Variants in RNF17 observed in about 807,000 individuals in gnomAD.
RNF17 encodes ring finger protein 17.
In RNF17, 31 loss-of-function variants were observed where a neutral mutation model predicts 200.5. The observed-to-expected ratio is 0.15, with a 90% confidence interval of 0.12 to 0.21. The LOEUF is 0.21. RNF17 is among the 10% of genes least tolerant of loss of function. The pLI is 1.00. For synonymous variants in RNF17, 606 were observed against 637.8 expected (o/e 0.95, Z 0.75); for missense variants, 1,628 against 1,905.1 (o/e 0.85, Z 2.71).
rs142685420 is a variant in RNF17 at position 24,812,981 on chromosome 13, C to T, written c.2091+8552C>T. Among the ~76,000 whole-genome samples the T allele has an allele frequency of 5.3e-3, 809 of 152,090 alleles. 22 individuals carry two copies. The East Asian group carries it at 0.081, about 15-fold the overall frequency. ...ACAGGCGTGAGCCACCGCGCCCGGCCAATAGCATTCTTAATAAGTGTGAAA... is the reference window on the plus strand; with the variant it reads ...ACAGGCGTGAGCCACCGCGCCCGGCTAATAGCATTCTTAATAAGTGTGAAA... On this transcript the variant is annotated intron_variant, in intron 15 of 35. Coordinates refer to ENST00000255324, the MANE Select transcript of RNF17 (RefSeq NM_031277.3).
rs1488105397 is a variant in RNF17, at chr13:24,866,179, G to A, written c.4137G>A (p.Glu1379=). The A allele has an allele frequency of 1.9e-6, 3 of 1,557,634 alleles. No individual in the cohort carries two copies. The highest frequency in any genetic ancestry group is 3.4e-5 in the Admixed American group (2 of 58,546). The change falls in exon 30 of 36, where the codon GAG becomes GAA. Residue 1379 remains glutamate, a synonymous_variant. Coordinates refer to ENST00000255324, the MANE Select transcript of RNF17 (RefSeq NM_031277.3). ...CAGATCATGATAAAAAGTATGAAGA[G>A]GAACAATGGGAAATAAGGTTTGAGG... ...PRSDHDKKYE[E]EQWEIRFEEL...
intron 15 of RNF17, among the ~76,000 whole-genome samples, chr13:24,809,844 T>G (rs1350908434): frequency 1.3e-5 from 2 of 152,138 alleles, no homozygotes; most frequent in African/African-American, 4.8e-5. Flanking sequence ...TGTTGTGTCT[T>G]TGTTCTCGTT....
chr13:24,842,235 GCATAT>G, intron 19 of RNF17, 74 bp downstream of exon 19: 2 of 1,319,146 alleles, frequency 1.5e-6, no homozygotes, highest in South Asian at 2.8e-5. Flanking sequence ...AGGGAAACTG[GCATAT>G]CATTCCCCAT....
chr13:24,807,568 G>A (rs368189078), intron 15 of RNF17, among the ~76,000 whole-genome samples: 4 of 152,136 alleles, frequency 2.6e-5, no homozygotes, highest in East Asian at 1.9e-4. Flanking sequence ...TGAGTAGGTT[G>A]CGAAAATTTT....
chr13:24,800,585 C>G, intron 13 of RNF17, 51 bp downstream of exon 13: 1 of 1,506,978 alleles, frequency 6.6e-7, no homozygotes. Context: ...ACAATTTTAG[C>G]TATGTATTGC....
chr13:24,861,079 G>A (rs988311730), intron 26 of RNF17, among the ~76,000 whole-genome samples, 189 bp from the exon 27 acceptor site: 3 of 151,920 alleles, frequency 2.0e-5, no homozygotes, highest in African/African-American at 4.8e-5. Flanking sequence ...GGGTCTTGCC[G>A]TGTTCCCAAG....
intron 30 of RNF17, among the ~76,000 whole-genome samples, chr13:24,867,093 GTTAT>G (rs1395382303): frequency 2.6e-5 from 4 of 152,114 alleles, no homozygotes; most frequent in Admixed American, 1.3e-4. Flanking sequence ...ATCTATTTGA[GTTAT>G]TTATCTTTTT....
chr13:24,859,560 C>A (rs2138299148), intron 26 of RNF17, among the ~76,000 whole-genome samples: 1 of 151,986 alleles, frequency 6.6e-6, no homozygotes, highest in African/African-American at 2.4e-5. Context: ...AGGTAACTAA[C>A]ACTCAGGTTT....
chr13:24,761,923 AC>A (rs1162240625), upstream of RNF17, among the ~76,000 whole-genome samples: 7 of 152,188 alleles, frequency 4.6e-5, no homozygotes, highest in African/African-American at 1.7e-4. Flanking sequence ...CCCACGATGA[AC>A]ACCTATGCAA....
chr13:24,805,863 G>GT (rs1245602439), intron 15 of RNF17, among the ~76,000 whole-genome samples: 81 of 148,450 alleles, frequency 5.5e-4, no homozygotes, highest in South Asian at 1.1e-3. Flanking sequence ...TGAACACTTG[G>GT]TTTTTTTTTT....
intron 25 of RNF17, among the ~76,000 whole-genome samples, chr13:24,856,405 G>A (rs1295696416): frequency 2.3e-5 from 3 of 129,066 alleles, no homozygotes; most frequent in African/African-American, 8.8e-5. Flanking sequence ...GGGTGACAGA[G>A]CAAGAATCCG....
intron 34 of RNF17, among the ~76,000 whole-genome samples, chr13:24,878,659 C>G (rs1895114281): frequency 6.6e-6 from 1 of 152,172 alleles, no homozygotes; most frequent in South Asian, 2.1e-4. Context: ...AGGTGTCCCC[C>G]ACTTAGGAAG....
At chr13:24,827,844 C>T (rs1888915811) in intron 16 of RNF17, among the ~76,000 whole-genome samples, 1 of 151,796 alleles carries the variant, frequency 6.6e-6, no homozygotes, top group Non-Finnish European at 1.5e-5. Flanking sequence ...CTGCATCCTC[C>T]AGAGGGGAGA....
intron 15 of RNF17, among the ~76,000 whole-genome samples, chr13:24,822,707 A>G (rs185689686): frequency 6.6e-6 from 1 of 152,320 alleles, no homozygotes; most frequent in East Asian, 1.9e-4. Flanking sequence ...GGCATCAGCC[A>G]CTGCACCCAG....
rs541290597 is a variant in RNF17 at position 24,832,245 on chromosome 13, A to T, written c.2482+267A>T. ...GAATTAGCTTCTTTTATTTGTTTGC[A>T]TTTTTGCTAGGGCTCTGTCCTTGTC... On this transcript the variant is annotated intron_variant, in intron 18 of 35. Transcript: ENST00000255324. Among the ~76,000 whole-genome samples the T allele has an allele frequency of 4.6e-5, 7 of 152,166 alleles. No homozygotes were observed. In the East Asian group the frequency reaches 1.4e-3, roughly 29 times the overall value.
At chr13:24,871,256 A>G (rs953052493) in intron 32 of RNF17, among the ~76,000 whole-genome samples, 12 of 152,214 alleles carry the variant, frequency 7.9e-5, no homozygotes, top group Non-Finnish European at 1.3e-4. Context: ...TGCGGTATGT[A>G]ATGCATAGAG....
chr13:24,832,746 G>T (rs776949257), intron 18 of RNF17, among the ~76,000 whole-genome samples: 2 of 151,738 alleles, frequency 1.3e-5, no homozygotes, highest in Non-Finnish European at 2.9e-5. Context: ...ATCTGGTTTG[G>T]TTTTTTTGTT....
chr13:24,790,155 C>T (rs1883667635), intron 9 of RNF17, among the ~76,000 whole-genome samples: 1 of 152,114 alleles, frequency 6.6e-6, no homozygotes, highest in African/African-American at 2.4e-5. Context: ...AGGGAATGAT[C>T]AGTTCTTACT....
At chr13:24,768,525 C>A (rs376512292) in intron 2 of RNF17, among the ~76,000 whole-genome samples, 22 of 152,124 alleles carry the variant, frequency 1.4e-4, no homozygotes, top group East Asian at 1.3e-3. Flanking sequence ...ACCTCGTGAT[C>A]CGCCCACCTC....
Sources: gnomAD v4.1 joint callset for allele counts (sites outside exome capture counted in the v4.1 genomes callset) on GRCh38, gnomAD v4.1.1 for gene constraint, MANE v1.5 for transcripts, NCBI Gene and HGNC (gene_info 2026-07-23, HGNC 2026-07-21) for gene names.